Variants in EPHA5 observed in about 807,000 individuals in gnomAD.
EPHA5 encodes the protein EPH receptor A5, also known as ephrin type-A receptor 5.
EPHA5 carries 60 observed loss-of-function variants against 105.0 expected under a neutral mutation model. That is an observed-to-expected ratio of 0.57 (90% CI 0.46 to 0.71). EPHA5 has a LOEUF of 0.71. EPHA5 is among the 30% of genes least tolerant of loss of function. The pLI is 0.00. For synonymous variants in EPHA5, 513 were observed against 449.1 expected (o/e 1.14, Z -1.80); for missense variants, 1,218 against 1,274.7 (o/e 0.96, Z 0.68).
chr4:65,436,025 G>T (rs1053862621), intron 5 of EPHA5, among the ~76,000 whole-genome samples: 1 of 151,886 alleles, frequency 6.6e-6, no homozygotes, highest in Non-Finnish European at 1.5e-5. Flanking sequence ...ATGCTATAAT[G>T]TTCTCAATGG....
chr4:65,616,071 A>G (rs1745209342), intron 2 of EPHA5, among the ~76,000 whole-genome samples: 1 of 151,974 alleles, frequency 6.6e-6, no homozygotes, highest in South Asian at 2.1e-4. Flanking sequence ...AACAAACTGT[A>G]GTACATTATA....
intron 3 of EPHA5, among the ~76,000 whole-genome samples, chr4:65,563,603 G>A (rs1313286137): frequency 1.3e-5 from 2 of 152,014 alleles, no homozygotes; most frequent in African/African-American, 4.8e-5. Context: ...AATGGGAAGA[G>A]ACAGAAGAAT....
chr4:65,494,246 A>G (rs538143291), intron 4 of EPHA5, among the ~76,000 whole-genome samples: 1 of 152,348 alleles, frequency 6.6e-6, no homozygotes, highest in Admixed American at 6.5e-5. Flanking sequence ...TTTCACTGAC[A>G]CTATGAAATT....
At chr4:65,449,854 C>A (rs1726907263) in intron 5 of EPHA5, among the ~76,000 whole-genome samples, 1 of 152,042 alleles carries the variant, frequency 6.6e-6, no homozygotes, top group Non-Finnish European at 1.5e-5. Context: ...TGCCACCACC[C>A]AGAACCTAGG....
chr4:65,324,724 T>A (rs1719910320), intron 16 of EPHA5, among the ~76,000 whole-genome samples: 1 of 148,542 alleles, frequency 6.7e-6, no homozygotes, highest in African/African-American at 2.5e-5. Context: ...ACTACATTGC[T>A]TTTATAACAA....
At chr4:65,348,712 TGTG>T (rs1722492591) in intron 13 of EPHA5, among the ~76,000 whole-genome samples, 1 of 128,028 alleles carries the variant, frequency 7.8e-6, no homozygotes, top group Non-Finnish European at 1.7e-5. Flanking sequence ...TATATATGTG[TGTG>T]TATATATATG....
intron 15 of EPHA5, among the ~76,000 whole-genome samples, chr4:65,332,431 G>T (rs896679258): frequency 6.6e-6 from 1 of 151,692 alleles, no homozygotes; most frequent in African/African-American, 2.4e-5. Context: ...GATGAACACA[G>T]AATTTTTAGG....
Position 65,333,984 on chromosome 4 carries a change from T to C in EPHA5, c.2790-1856A>G, listed in dbSNP as rs542530884. Among the ~76,000 whole-genome samples, 176 of 151,904 alleles carry C rather than the reference T, an allele frequency of 1.2e-3. 1 individual carries two copies. The Middle Eastern group carries it at 0.02, about 18-fold the overall frequency. On this transcript the variant is annotated intron_variant, in intron 15 of 16. Transcript: ENST00000613740. ...TACCATCTATTCAACTTCCAATATA[T>C]TGTACAGCCGACCACTTCTCTCCCA...
intron 5 of EPHA5, among the ~76,000 whole-genome samples, chr4:65,431,680 C>G (rs1724992215): frequency 6.6e-6 from 1 of 152,084 alleles, no homozygotes; most frequent in Non-Finnish European, 1.5e-5. Context: ...AACAATTCCA[C>G]GTGTCCTGGC....
At chr4:65,350,195 A>AT (rs761386132) in intron 13 of EPHA5, among the ~76,000 whole-genome samples, 4 of 152,140 alleles carry the variant, frequency 2.6e-5, no homozygotes, top group Non-Finnish European at 5.9e-5. Flanking sequence ...AGAATTCTTA[A>AT]TTGAGTTTTC....
chr4:65,567,928 A>AT (rs971338029), intron 3 of EPHA5, among the ~76,000 whole-genome samples: 4 of 150,816 alleles, frequency 2.7e-5, no homozygotes, highest in Admixed American at 1.3e-4. Flanking sequence ...TATTCTTTGA[A>AT]TTTTTTTTTC....
At chr4:65,582,765 T>A (rs1382258988) in intron 3 of EPHA5, among the ~76,000 whole-genome samples, 2 of 151,634 alleles carry the variant, frequency 1.3e-5, no homozygotes, top group African/African-American at 4.8e-5. Flanking sequence ...AGGAGAAAAT[T>A]GCCAATTTAC....
chr4:65,549,851 G>A (rs1239097436), intron 3 of EPHA5, among the ~76,000 whole-genome samples: 4 of 152,028 alleles, frequency 2.6e-5, no homozygotes, highest in East Asian at 1.9e-4. Context: ...TGTAGACAAA[G>A]TAAAATTAAA....
At chr4:65,593,882 G>T (rs1742919548) in intron 3 of EPHA5, among the ~76,000 whole-genome samples, 1 of 152,176 alleles carries the variant, frequency 6.6e-6, no homozygotes, top group African/African-American at 2.4e-5. Flanking sequence ...TTATGCAAGT[G>T]TTGGTTACTT....
At chr4:65,360,537 G>A (rs569540717) in intron 11 of EPHA5, among the ~76,000 whole-genome samples, 9 of 151,590 alleles carry the variant, frequency 5.9e-5, no homozygotes, top group African/African-American at 1.9e-4. Context: ...TTTCCCTTCT[G>A]TAAAATGAAA....
intron 5 of EPHA5, among the ~76,000 whole-genome samples, chr4:65,481,312 A>G (rs967264400): frequency 3.9e-5 from 6 of 152,238 alleles, no homozygotes; most frequent in Non-Finnish European, 8.8e-5. Context: ...TTCCTGAATT[A>G]CAAAGATGAT....
chr4:65,444,188 C>T (rs938413174), intron 5 of EPHA5, among the ~76,000 whole-genome samples: 2 of 152,198 alleles, frequency 1.3e-5, no homozygotes, highest in Non-Finnish European at 2.9e-5. Flanking sequence ...CCAGTTCTGC[C>T]ACTTTCTAGC....
intron 3 of EPHA5, among the ~76,000 whole-genome samples, chr4:65,497,606 A>G (rs766835000): frequency 4.6e-5 from 7 of 151,974 alleles, no homozygotes; most frequent in Non-Finnish European, 7.4e-5. Flanking sequence ...TTTAAACACT[A>G]TTTGCTTTCA....
chr4:65,607,363 G>T (rs1341445113), intron 2 of EPHA5, among the ~76,000 whole-genome samples: 1 of 152,008 alleles, frequency 6.6e-6, no homozygotes, highest in Non-Finnish European at 1.5e-5. Context: ...CACAGCAAAA[G>T]AAACTATCAT....
Sources: gnomAD v4.1 joint callset for allele counts (sites outside exome capture counted in the v4.1 genomes callset) on GRCh38, gnomAD v4.1.1 for gene constraint, MANE v1.5 for transcripts, NCBI Gene and HGNC (gene_info 2026-07-23, HGNC 2026-07-21) for gene names.